ATG5: variants seen among roughly 807,000 people sequenced by gnomAD.
ATG5 encodes autophagy related 5, also known as autophagy protein 5.
Under a neutral mutation model 36.5 loss-of-function variants are expected in ATG5, and 14 were observed. The ratio of observed to expected loss-of-function variants is 0.38; its 90% CI spans 0.25 to 0.60. The LOEUF is 0.60. Ranked by LOEUF, ATG5 falls within the 20% of genes least tolerant of loss-of-function variation. The probability of loss-of-function intolerance (pLI) is 0.60; values close to 1 mark genes in which losing one functional copy is unlikely to be tolerated. For missense variants in ATG5, 195 were observed against 326.7 expected, an observed-to-expected ratio of 0.60 and a Z score of 3.11; for synonymous variants, 95 against 101.5, an observed-to-expected ratio of 0.94 and a Z score of 0.38.
chr6:106,248,200 A>G lies in ATG5; in HGVS notation c.523T>C (p.Tyr175His), dbSNP rs1177811286. The change falls in exon 6 of 8, where the codon TAT becomes CAT. Residue 175 changes from tyrosine to histidine, a missense_variant. By Grantham distance (83) the Tyr-to-His change is moderately conservative. Coordinates refer to ENST00000369076, the MANE Select transcript of ATG5 (RefSeq NM_004849.4). Reference protein sequence around the residue: ...FWAINRKLMEYPAEENGFRYI... With the variant: ...FWAINRKLMEHPAEENGFRYI... ...CGAAATCCATTTTCTTCTGCAGGAT[A>G]TTCCATGAGTTTCCGATTGATGGCC... 2 of 1,612,478 alleles carry G rather than the reference A, an allele frequency of 1.2e-6. No individual in the cohort carries two copies. Among genetic ancestry groups the G allele is most frequent in the Non-Finnish European group, 1.7e-6 (2 of 1,178,760 alleles).
chr6:106,241,791 T>A (rs1266625638), intron 6 of ATG5, among the ~76,000 whole-genome samples: 2 of 152,176 alleles, frequency 1.3e-5, no homozygotes, highest in African/African-American at 4.8e-5. Flanking sequence ...CAACTCTTCC[T>A]TGAGTCAACA....
chr6:106,290,643 C>T (rs1780268270), intron 4 of ATG5, among the ~76,000 whole-genome samples: 1 of 152,162 alleles, frequency 6.6e-6, no homozygotes, highest in Non-Finnish European at 1.5e-5. Flanking sequence ...AATGTGGAAT[C>T]TGAAACATTA....
At chr6:106,311,244 TATACA>T (rs1770634634) in intron 2 of ATG5, among the ~76,000 whole-genome samples, 1 of 152,144 alleles carries the variant, frequency 6.6e-6, no homozygotes, top group Non-Finnish European at 1.5e-5. Flanking sequence ...TCCTTCCCCT[TATACA>T]GCATACAGGT....
chr6:106,270,353 TG>T (rs1259587152), intron 5 of ATG5, among the ~76,000 whole-genome samples: 1 of 152,198 alleles, frequency 6.6e-6, no homozygotes, highest in African/African-American at 2.4e-5. Flanking sequence ...CTCACGAAGT[TG>T]TAGATTCTTA....
intron 6 of ATG5, among the ~76,000 whole-genome samples, chr6:106,233,430 C>T (rs1582586257): frequency 6.6e-6 from 1 of 152,204 alleles, no homozygotes; most frequent in South Asian, 2.1e-4. Context: ...CTAAAGAAGG[C>T]CCTAACCCAA....
chr6:106,313,657 T>C (rs780283357), intron 2 of ATG5, among the ~76,000 whole-genome samples: 1 of 152,190 alleles, frequency 6.6e-6, no homozygotes, highest in African/African-American at 2.4e-5. Context: ...ATATAGGATA[T>C]AGGCGGAAAG....
chr6:106,293,146 A>G (rs1780385439), intron 3 of ATG5, 40 bp from the exon 4 acceptor site: 6 of 1,553,078 alleles, frequency 3.9e-6, no homozygotes, highest in Non-Finnish European at 5.3e-6. Context: ...ATAAATATTT[A>G]AAGTTATAAC....
At chr6:106,268,215 C>T (rs1424222904) in intron 5 of ATG5, among the ~76,000 whole-genome samples, 11 of 152,144 alleles carry the variant, frequency 7.2e-5, no homozygotes, top group African/African-American at 1.4e-4. Context: ...AAAAAGTGGG[C>T]GAAGGATATG....
intron 1 of ATG5, among the ~76,000 whole-genome samples, chr6:106,324,739 T>C (rs960159922): frequency 1.3e-5 from 2 of 152,356 alleles, no homozygotes; most frequent in East Asian, 3.9e-4. Flanking sequence ...TTAAATCTGG[T>C]GTAAAATACC....
At chr6:106,229,414 C>CAG (rs377704575) in intron 6 of ATG5, among the ~76,000 whole-genome samples, 28 of 149,070 alleles carry the variant, frequency 1.9e-4, no homozygotes, top group Middle Eastern at 3.4e-3. Context: ...CAGACAGAGA[C>CAG]AGAGAGAGAG....
intron 3 of ATG5, among the ~76,000 whole-genome samples, chr6:106,307,490 A>G (rs919600293): frequency 2.0e-5 from 3 of 151,298 alleles, no homozygotes; most frequent in African/African-American, 4.9e-5. Flanking sequence ...AAAAAACATC[A>G]TTAGTACATG....
At chr6:106,243,774 T>C (rs781299448) in intron 6 of ATG5, among the ~76,000 whole-genome samples, 4 of 151,826 alleles carry the variant, frequency 2.6e-5, no homozygotes, top group Non-Finnish European at 5.9e-5. Context: ...GAGGTTTCAG[T>C]GAGCCGAGAT....
intron 6 of ATG5, among the ~76,000 whole-genome samples, chr6:106,228,972 G>A (rs996565023): frequency 1.1e-4 from 16 of 152,140 alleles, no homozygotes; most frequent in Admixed American, 5.2e-4. Context: ...GGCATTAGCC[G>A]GTTGAGATCA....
In ATG5 at chr6:106,186,219, A is replaced by G. The variant is rs990722973; in HGVS notation, c.*321T>C. 9 of 240,882 alleles carry G rather than the reference A, an allele frequency of 3.7e-5. No homozygotes were observed. The highest frequency in any genetic ancestry group is 7.1e-5 in the Non-Finnish European group (9 of 125,934). The allele number at this position is 240,882 out of a possible 1,614,324, so 14.9% of individuals were successfully genotyped here. On this transcript the variant is annotated 3_prime_UTR_variant, in exon 8 of 8. Coordinates refer to ENST00000369076, the MANE Select transcript of ATG5 (RefSeq NM_004849.4). ...TGTTTATTTGTTAATCAGAAATACA[A>G]ATCGAGTGGCACATACTTCCATTTT...
Position 106,251,638 on chromosome 6 carries a change from AGAGAGAGAGG to A in ATG5, c.479-3404_479-3395del, listed in dbSNP as rs1562237487. Among the ~76,000 whole-genome samples the A allele has an allele frequency of 1.0e-2, 4 of 402 alleles. 1 individual carries two copies. Among genetic ancestry groups the A allele is most frequent in the South Asian group, 0.25 (2 of 8 alleles). The allele number at this position is 402 out of a possible 152,430, so 0.3% of individuals were successfully genotyped here. On this transcript the variant is annotated intron_variant, in intron 5 of 7. Transcript: ENST00000369076. Reference sequence around the variant, plus strand: ...ATAGCTAAAAACACCCTAATCAGAGAGAGAGAGAGGGAGGGAGGGAGGAAGGGAGGGGGAG... The same window carrying A: ...ATAGCTAAAAACACCCTAATCAGAGAGAGGGAGGGAGGAAGGGAGGGGGAG...
At chr6:106,250,804 G>A (rs928951762) in intron 5 of ATG5, among the ~76,000 whole-genome samples, 3 of 152,156 alleles carry the variant, frequency 2.0e-5, no homozygotes, top group Non-Finnish European at 4.4e-5. Context: ...ACTGGAAAAA[G>A]AAACATGATT....
chr6:106,202,128 C>G (rs1776454829), intron 6 of ATG5, 39 bp from the exon 7 acceptor site: 1 of 1,524,302 alleles, frequency 6.6e-7, no homozygotes, highest in Non-Finnish European at 9.1e-7. Context: ...GCAATTAAGT[C>G]TTTGTTGCTG....
intron 5 of ATG5, among the ~76,000 whole-genome samples, chr6:106,254,813 A>C (rs1048718418): frequency 7.2e-5 from 11 of 152,250 alleles, no homozygotes; most frequent in Non-Finnish European, 1.3e-4. Flanking sequence ...CCATCATTAC[A>C]GAACTGCTGG....
intron 7 of ATG5, among the ~76,000 whole-genome samples, chr6:106,198,141 C>A (rs1776275693): frequency 6.6e-6 from 1 of 152,088 alleles, no homozygotes; most frequent in South Asian, 2.1e-4. Flanking sequence ...TAAGCTTATT[C>A]TTGAATTTCT....
Sources: gnomAD v4.1 joint callset for allele counts (sites outside exome capture counted in the v4.1 genomes callset) on GRCh38, gnomAD v4.1.1 for gene constraint, MANE v1.5 for transcripts, NCBI Gene and HGNC (gene_info 2026-07-23, HGNC 2026-07-21) for gene names.